Variants in COL4A1 observed in about 807,000 individuals in gnomAD.
COL4A1 encodes the protein collagen alpha-1(IV) chain.
Under a neutral mutation model 216.6 loss-of-function variants are expected in COL4A1, and 40 were observed. The ratio of observed to expected loss-of-function variants is 0.18; its 90% CI spans 0.14 to 0.24. The LOEUF is 0.24. Ranked by LOEUF, COL4A1 falls within the 10% of genes least tolerant of loss-of-function variation. The pLI, the probability that COL4A1 is intolerant of heterozygous loss-of-function variation, is 1.00. For missense variants in COL4A1, 1,628 were observed against 2,196.8 expected, an observed-to-expected ratio of 0.74 and a Z score of 5.18; for synonymous variants, 839 against 810.7, an observed-to-expected ratio of 1.03 and a Z score of -0.59.
chr13:110,152,493 C>G lies in COL4A1; in HGVS notation c.4769G>C (p.Gly1590Ala), dbSNP rs778082936. The G allele has an allele frequency of 5.6e-6, 9 of 1,612,364 alleles. No homozygotes were observed. Among genetic ancestry groups the G allele is most frequent in the Admixed American group, 5.0e-5 (3 of 59,946 alleles). The change falls in exon 51 of 52, where the codon GGT (glycine) becomes GCT (alanine). Residue 1590 changes from glycine to alanine, a missense_variant. By Grantham distance (60) the Gly-to-Ala change is moderately conservative. Around this residue, in one of 8 missense-constraint regions of COL4A1, gnomAD observed 254 missense variants for 300.1 expected, o/e 0.85. Transcript: ENST00000375820. ...CAGGGCTTGGCCAGAGCCTTCTGCA[C>G]CAGCGCTGGTGTGCTGCAGAACAGA... Reference protein sequence around the residue: ...GYSFVMHTSAGAEGSGQALAS... With the variant: ...GYSFVMHTSAAAEGSGQALAS...
Position 110,195,014 on chromosome 13 carries a change from A to AT in COL4A1, c.1381+8dup, listed in dbSNP as rs1418882243. ...CAACCACCATTTTAAAAAAATCAAAATTTCTTACCTTTCTCTCCAATTTCG... is the reference window on the plus strand; with the variant it reads ...CAACCACCATTTTAAAAAAATCAAAATTTTCTTACCTTTCTCTCCAATTTCG... On this transcript the variant is annotated intron_variant, in intron 22 of 51. Transcript: ENST00000375820. 1.2e-6 allele frequency: 2 copies of AT among 1,612,814 alleles called. No homozygotes were observed. The highest frequency in any genetic ancestry group is 2.7e-5 in the African/African-American group (2 of 74,862).
intron 19 of COL4A1, 147 bp from the exon 20 acceptor site, chr13:110,201,036 G>A (rs1211506462): frequency 1.3e-5 from 11 of 822,226 alleles, no homozygotes; most frequent in East Asian, 2.6e-5. Flanking sequence ...GAGACCACCC[G>A]AGCCCCCACT....
intron 50 of COL4A1, 22 bp downstream of exon 50, chr13:110,155,261 T>C: frequency 1.9e-6 from 3 of 1,575,532 alleles, no homozygotes; most frequent in East Asian, 2.2e-5. Flanking sequence ...CCGGGAAATA[T>C]GGCGTCTCCC....
intron 2 of COL4A1, among the ~76,000 whole-genome samples, chr13:110,228,194 G>T (rs1292243575): frequency 9.8e-5 from 14 of 142,252 alleles, no homozygotes; most frequent in African/African-American, 3.6e-4. Flanking sequence ...CTGACACCCC[G>T]CTATCAAGCA....
intron 12 of COL4A1, 86 bp downstream of exon 12, chr13:110,208,763 G>T: frequency 8.0e-7 from 1 of 1,242,700 alleles, no homozygotes; most frequent in Non-Finnish European, 1.2e-6. Flanking sequence ...ACTTGTAAGA[G>T]TCCAGACATT....
At position 110,206,860 on chromosome 13, in the gene COL4A1, C is replaced by T; in HGVS notation, c.807+5G>A. ...AAAAATGATAGGCAGAAACTGAGTACTGACCTGAAATCCAGGTTCACCTTT... is the reference window on the plus strand; with the variant it reads ...AAAAATGATAGGCAGAAACTGAGTATTGACCTGAAATCCAGGTTCACCTTT... On this transcript the variant is annotated splice_donor_5th_base_variant and intron_variant, in intron 14 of 51. Transcript: ENST00000375820. The T allele has an allele frequency of 6.2e-7, 1 of 1,613,964 alleles. No homozygotes were observed. The highest frequency in any genetic ancestry group is 8.5e-7 in the Non-Finnish European group (1 of 1,179,990).
intron 1 of COL4A1, among the ~76,000 whole-genome samples, chr13:110,302,402 T>C (rs1445353463): frequency 6.6e-6 from 1 of 151,512 alleles, no homozygotes; most frequent in Admixed American, 6.6e-5. Flanking sequence ...AGTTCTGGAG[T>C]CCCCTTCAGG....
chr13:110,186,614 C>A (rs922251383), intron 25 of COL4A1, 61 bp from the exon 26 acceptor site: 4 of 1,592,088 alleles, frequency 2.5e-6, no homozygotes, highest in African/African-American at 2.7e-5. Flanking sequence ...CTGTCCTTAT[C>A]GCATTCTTCT....
chr13:110,162,611 G>A (rs1048143895), intron 47 of COL4A1, among the ~76,000 whole-genome samples, 169 bp from the exon 48 acceptor site: 2 of 151,836 alleles, frequency 1.3e-5, no homozygotes, highest in Non-Finnish European at 2.9e-5. Context: ...ACTAAATACA[G>A]CAGCCTACCT....
chr13:110,263,448 C>T (rs7139492), intron 1 of COL4A1, among the ~76,000 whole-genome samples: 40,342 of 151,994 alleles, frequency 0.27, 5,637 homozygotes, highest in East Asian at 0.48. Flanking sequence ...GCGTATTATT[C>T]TTATTATTAT....
intron 1 of COL4A1, among the ~76,000 whole-genome samples, chr13:110,286,336 G>A (rs1322890048): frequency 2.6e-5 from 4 of 152,194 alleles, no homozygotes; most frequent in African/African-American, 7.2e-5. Context: ...AGCTCCTGAG[G>A]GTGGCTGCAG....
intron 29 of COL4A1, among the ~76,000 whole-genome samples, chr13:110,180,939 C>G (rs1426252045): frequency 1.3e-5 from 2 of 152,192 alleles, no homozygotes; most frequent in African/African-American, 4.8e-5. Flanking sequence ...AGAAACCATC[C>G]TGGGTGACTA....
chr13:110,189,129 T>C (rs991041211), intron 24 of COL4A1, among the ~76,000 whole-genome samples: 1 of 152,228 alleles, frequency 6.6e-6, no homozygotes, highest in Non-Finnish European at 1.5e-5. Context: ...AATGGCGCCA[T>C]CTCGGCTCAC....
At chr13:110,216,037 A>G (rs1409597175) in intron 2 of COL4A1, among the ~76,000 whole-genome samples, 1 of 152,370 alleles carries the variant, frequency 6.6e-6, no homozygotes, top group African/African-American at 2.4e-5. Flanking sequence ...ACCCTAAAGA[A>G]TTGAATCAAA....
At chr13:110,281,495 A>G (rs1027417304) in intron 1 of COL4A1, among the ~76,000 whole-genome samples, 1 of 152,166 alleles carries the variant, frequency 6.6e-6, no homozygotes, top group Non-Finnish European at 1.5e-5. Flanking sequence ...AGAGAAGAGG[A>G]AGTGGTTACC....
chr13:110,253,708 A>ATGTG (rs1489325342), intron 1 of COL4A1, among the ~76,000 whole-genome samples: 2 of 138,272 alleles, frequency 1.4e-5, no homozygotes, highest in Non-Finnish European at 3.2e-5. Flanking sequence ...ATACGTATGT[A>ATGTG]TTACATATAC....
rs569057554 is a variant in COL4A1 at position 110,232,993 on chromosome 13, G to A, written c.144+9682C>T. Among the ~76,000 whole-genome samples, 10 of 152,240 alleles carry A rather than the reference G, an allele frequency of 6.6e-5. No homozygotes were observed. The East Asian group carries it at 7.7e-4, about 12-fold the overall frequency. On this transcript the variant is annotated intron_variant, in intron 2 of 51. Transcript: ENST00000375820. ...AATGTGCAGCTCACTCTCCCTGTTC[G>A]GGAACGGGATGTGTGTGTATCAGTG...
At chr13:110,218,917 G>A (rs1397491835) in intron 2 of COL4A1, among the ~76,000 whole-genome samples, 1 of 152,242 alleles carries the variant, frequency 6.6e-6, no homozygotes, top group Non-Finnish European at 1.5e-5. Flanking sequence ...GGGAAATGAT[G>A]TCAAGGATGG....
chr13:110,304,577 G>C (rs775231687), intron 1 of COL4A1, among the ~76,000 whole-genome samples: 1 of 152,194 alleles, frequency 6.6e-6, no homozygotes, highest in Admixed American at 6.5e-5. Flanking sequence ...TGTTTGTCTG[G>C]AGCCTGCAAG....
Sources: gnomAD v4.1 joint callset for allele counts (sites outside exome capture counted in the v4.1 genomes callset) on GRCh38, gnomAD v4.1.1 for gene constraint, gnomAD v4.1.1 regional missense constraint, MANE v1.5 for transcripts, NCBI Gene and HGNC (gene_info 2026-07-23, HGNC 2026-07-21) for gene names.